Variants in RBFOX1 observed in about 807,000 individuals in gnomAD.
RBFOX1 encodes the protein RNA binding protein fox-1 homolog 1.
RBFOX1 carries 8 observed loss-of-function variants against 57.7 expected under a neutral mutation model. That is an observed-to-expected ratio of 0.14 (90% CI 0.08 to 0.25). The LOEUF is 0.25. RBFOX1 is among the 10% of genes least tolerant of loss of function. The pLI is 1.00. For synonymous variants in RBFOX1, 326 were observed against 222.4 expected (o/e 1.47, Z -4.15); for missense variants, 611 against 548.5 (o/e 1.11, Z -1.14).
intron 1 of RBFOX1, among the ~76,000 whole-genome samples, chr16:5,389,471 A>C (rs918712829): frequency 7.2e-5 from 11 of 152,004 alleles, no homozygotes; most frequent in Non-Finnish European, 1.5e-4. Context: ...TGAAACCCCA[A>C]ATGTCTCCAG....
chr16:5,961,242 G>A (rs572989431), intron 4 of RBFOX1, among the ~76,000 whole-genome samples: 1 of 152,094 alleles, frequency 6.6e-6, no homozygotes, highest in South Asian at 2.1e-4. Flanking sequence ...CACAGAGCAT[G>A]CTGAACATTT....
At chr16:5,348,056 C>T (rs1195274719) in intron 1 of RBFOX1, among the ~76,000 whole-genome samples, 2 of 149,068 alleles carry the variant, frequency 1.3e-5, no homozygotes, top group African/African-American at 2.5e-5. Flanking sequence ...CCCACCCTTC[C>T]ACTCAGTCAC....
At chr16:7,061,644 A>G (rs893096639) in intron 4 of RBFOX1, among the ~76,000 whole-genome samples, 6 of 152,188 alleles carry the variant, frequency 3.9e-5, no homozygotes, top group African/African-American at 1.4e-4. Flanking sequence ...AATTTAGCCT[A>G]TTATCCCCAG....
chr16:6,889,694 A>T (rs1262508115), intron 3 of RBFOX1, among the ~76,000 whole-genome samples: 1 of 152,194 alleles, frequency 6.6e-6, no homozygotes, highest in Non-Finnish European at 1.5e-5. Context: ...ATGGTTGTTT[A>T]ATAAATTCTT....
chr16:7,103,045 T>G (rs1221322411), intron 4 of RBFOX1, among the ~76,000 whole-genome samples: 1 of 150,006 alleles, frequency 6.7e-6, no homozygotes, highest in African/African-American at 2.5e-5. Flanking sequence ...ATTTCCACAT[T>G]TAATTCCCTA....
At chr16:6,735,468 A>G (rs913099304) in intron 3 of RBFOX1, among the ~76,000 whole-genome samples, 1 of 152,230 alleles carries the variant, frequency 6.6e-6, no homozygotes, top group South Asian at 2.1e-4. Context: ...GTCGGAGACT[A>G]AATCTTCAGA....
intron 3 of RBFOX1, among the ~76,000 whole-genome samples, chr16:6,889,945 T>A (rs779094374): frequency 2.0e-5 from 3 of 152,226 alleles, no homozygotes; most frequent in Non-Finnish European, 2.9e-5. Context: ...CGTATTTCAG[T>A]GGTTACCTGT....
At chr16:7,345,541 G>T (rs904008603) in intron 4 of RBFOX1, among the ~76,000 whole-genome samples, 7 of 152,284 alleles carry the variant, frequency 4.6e-5, no homozygotes, top group African/African-American at 1.7e-4. Flanking sequence ...CGGCTTGCCA[G>T]AGGGCCTAAG....
At chr16:6,603,689 C>T (rs527293337) in intron 2 of RBFOX1, among the ~76,000 whole-genome samples, 4 of 152,270 alleles carry the variant, frequency 2.6e-5, no homozygotes, top group South Asian at 4.1e-4. Flanking sequence ...GAGGATCCTA[C>T]CCCAATCCTC....
chr16:7,591,879 G>A (rs767602675), intron 7 of RBFOX1, among the ~76,000 whole-genome samples: 11 of 152,130 alleles, frequency 7.2e-5, no homozygotes, highest in Non-Finnish European at 1.5e-4. Flanking sequence ...CATGAGGCGG[G>A]TCAGAAAAAA....
chr16:6,436,010 G>T (rs1020002446), intron 2 of RBFOX1, among the ~76,000 whole-genome samples: 8 of 152,194 alleles, frequency 5.3e-5, no homozygotes, highest in South Asian at 4.1e-4. Flanking sequence ...TGGGGCAAAA[G>T]TTAAAAGTCA....
rs1044917702 is a variant in RBFOX1, at chr16:7,188,042, T to A, written c.27+135944T>A. 3.9e-5 allele frequency among the ~76,000 whole-genome samples: 6 copies of A among 152,232 alleles called. No homozygotes were observed. In the East Asian group the frequency reaches 1.2e-3, roughly 29 times the overall value. Reference sequence around the variant, plus strand: ...AGATAGTGAGATTATAGGCCATTTTTATTTCATTTTAACTTTTCTCTGTTT... The same window carrying A: ...AGATAGTGAGATTATAGGCCATTTTAATTTCATTTTAACTTTTCTCTGTTT... On this transcript the variant is annotated intron_variant, in intron 4 of 15. Coordinates refer to ENST00000550418, the MANE Select transcript of RBFOX1 (RefSeq NM_018723.4).
chr16:7,335,550 C>T (rs1032906808), intron 4 of RBFOX1, among the ~76,000 whole-genome samples: 1 of 144,602 alleles, frequency 6.9e-6, no homozygotes, highest in Non-Finnish European at 1.5e-5. Context: ...AAAATTCAGA[C>T]CAGCATCGCC....
At chr16:6,147,801 G>A (rs1479810808) in intron 1 of RBFOX1, among the ~76,000 whole-genome samples, 2 of 152,176 alleles carry the variant, frequency 1.3e-5, no homozygotes, top group Non-Finnish European at 2.9e-5. Flanking sequence ...TTAAAACCTA[G>A]GCATTATGAT....
intron 4 of RBFOX1, among the ~76,000 whole-genome samples, chr16:7,300,908 A>C (rs1353218045): frequency 6.6e-6 from 1 of 152,194 alleles, no homozygotes; most frequent in East Asian, 1.9e-4. Context: ...TGTAGCTGAA[A>C]TGCAGGCAGG....
At position 6,120,276 on chromosome 16, in the gene RBFOX1, CT is replaced by C. The variant is rs140404546; in HGVS notation, c.-127+100288del. On this transcript the variant is annotated intron_variant, in intron 1 of 15. Coordinates refer to ENST00000550418, the MANE Select transcript of RBFOX1 (RefSeq NM_018723.4). Reference sequence around the variant, plus strand: ...TTTGTTTGAGTACATGTTTTCAGTTCTTTTGGGCACATACCTAGGAGTGGAA... The same window carrying C: ...TTTGTTTGAGTACATGTTTTCAGTTCTTTGGGCACATACCTAGGAGTGGAA... Among the ~76,000 whole-genome samples, 207 of 152,270 alleles carry C rather than the reference CT, an allele frequency of 1.4e-3. 3 individuals are homozygous for C. In the East Asian group the frequency reaches 0.036, roughly 26 times the overall value.
intron 2 of RBFOX1, among the ~76,000 whole-genome samples, chr16:5,591,459 C>G (rs886298287): frequency 6.6e-6 from 1 of 152,082 alleles, no homozygotes; most frequent in Admixed American, 6.6e-5. Context: ...CCATGTTGGC[C>G]AGGTTGGTCT....
At chr16:5,574,282 G>A (rs1039148794) in intron 2 of RBFOX1, among the ~76,000 whole-genome samples, 7 of 152,230 alleles carry the variant, frequency 4.6e-5, no homozygotes, top group Non-Finnish European at 8.8e-5. Flanking sequence ...GCACTTGCCT[G>A]GAAAATGAGG....
intron 4 of RBFOX1, among the ~76,000 whole-genome samples, chr16:7,064,401 T>C (rs1165705999): frequency 6.6e-6 from 1 of 152,110 alleles, no homozygotes; most frequent in African/African-American, 2.4e-5. Flanking sequence ...ACCCCTGACC[T>C]CAGGTGAGCT....
Sources: allele counts gnomAD v4.1 joint callset (sites outside exome capture counted in the v4.1 genomes callset), GRCh38; gene constraint gnomAD v4.1.1; transcripts MANE v1.5; gene names NCBI Gene and HGNC (gene_info 2026-07-23, HGNC 2026-07-21).